SYTL2: variants seen among roughly 807,000 people sequenced by gnomAD.
The protein encoded by SYTL2 is synaptotagmin like 2.
Under a neutral mutation model 198.7 loss-of-function variants are expected in SYTL2, and 165 were observed. The ratio of observed to expected loss-of-function variants is 0.83; its 90% CI spans 0.73 to 0.94. The LOEUF (loss-of-function observed/expected upper bound fraction) is 0.94. SYTL2 is among the 40% of genes least tolerant of loss of function. The probability of loss-of-function intolerance (pLI) is 0.00; values close to 1 mark genes in which losing one functional copy is unlikely to be tolerated. For missense variants in SYTL2, 2,835 were observed against 2,582.8 expected, an observed-to-expected ratio of 1.10 and a Z score of -2.12; for synonymous variants, 966 against 917.7, an observed-to-expected ratio of 1.05 and a Z score of -0.95.
chr11:85,791,142 G>C (rs2092722809), intron 1 of SYTL2, among the ~76,000 whole-genome samples: 1 of 130,040 alleles, frequency 7.7e-6, no homozygotes. Context: ...ACTCCAGCCT[G>C]GGCAGCAGAG....
At chr11:85,835,504 A>G in the SYTL2 span, among the ~76,000 whole-genome samples, 1 of 152,192 alleles carries the variant, frequency 6.6e-6, no homozygotes, top group Non-Finnish European at 1.5e-5. Context: ...AAGTGTTAAT[A>G]CTTGCCTTGT....
At chr11:85,823,296 C>T in the SYTL2 span, among the ~76,000 whole-genome samples, 1 of 152,244 alleles carries the variant, frequency 6.6e-6, no homozygotes, top group Non-Finnish European at 1.5e-5. Context: ...CCTAGATTAT[C>T]TTCTAGTGTG....
At chr11:85,705,767 C>T (rs1018968978) in intron 15 of SYTL2, among the ~76,000 whole-genome samples, 2 of 152,192 alleles carry the variant, frequency 1.3e-5, no homozygotes, top group Non-Finnish European at 2.9e-5. Context: ...GTCTGCCTTT[C>T]TCTGAGCTTA....
the SYTL2 span, among the ~76,000 whole-genome samples, chr11:85,826,560 G>A: frequency 3.3e-5 from 5 of 152,246 alleles, no homozygotes; most frequent in Non-Finnish European, 5.9e-5. Context: ...TGAGAGAGAA[G>A]CTAAAACAGG....
intron 15 of SYTL2, 52 bp from the exon 16 acceptor site, chr11:85,705,080 A>C: frequency 7.0e-7 from 1 of 1,426,634 alleles, no homozygotes; most frequent in South Asian, 1.2e-5. Context: ...TTGATGCCAA[A>C]GTTATAACAC....
chr11:85,718,794 T>G lies in SYTL2; in HGVS notation c.5478A>C (p.Glu1826Asp). Residue 1826 changes from glutamate (E) to aspartate (D), a missense_variant, in exon 10 of 20, where the codon GAA becomes GAC. Glu to Asp is a conservative substitution (Grantham distance 45, BLOSUM62 2). Coordinates refer to ENST00000359152, the MANE Select transcript of SYTL2 (RefSeq NM_206927.4). ...CAAATACATAAAGATATTTACCATC[T>G]TCAGCACTACGCACTAATTCTTCTG... ...NQPEELVRSA[E>D]DDEKPDQKPV... 1 of 1,613,424 alleles carries G rather than the reference T, an allele frequency of 6.2e-7. No homozygotes were observed. The highest frequency in any genetic ancestry group is 8.5e-7 in the Non-Finnish European group (1 of 1,179,486).
chr11:85,727,150 T>C lies in SYTL2; in HGVS notation c.2208A>G (p.Lys736=). Residue 736 remains lysine, a synonymous_variant, in exon 8 of 20, where the codon AAA becomes AAG. Transcript: ENST00000359152. Reference sequence around the variant, plus strand: ...CTTTCAGGATATAGGTATTTCCTACTTTGCTCTTTCTCTCTGCATTCATGT... The same window carrying C: ...CTTTCAGGATATAGGTATTTCCTACCTTGCTCTTTCTCTCTGCATTCATGT... ...KDNMNAERKS[K]VGNTYILKAS... The C allele has an allele frequency of 6.5e-7, 1 of 1,536,426 alleles. No homozygotes were observed. Among genetic ancestry groups the C allele is most frequent in the Non-Finnish European group, 8.7e-7 (1 of 1,146,884 alleles).
At chr11:85,788,711 G>A (rs1295802441) in intron 1 of SYTL2, among the ~76,000 whole-genome samples, 1 of 151,560 alleles carries the variant, frequency 6.6e-6, no homozygotes, top group African/African-American at 2.4e-5. Flanking sequence ...TTAATTATCT[G>A]TAGAAGGCCT....
In SYTL2 at chr11:85,734,072, A is replaced by G. The variant is rs1432902741; in HGVS notation, c.1257T>C (p.Asn419=). ...QPMTSGSFPI[N]GLHSHSEVLT... ...AAACTTCTGAATGAGAATGCAGCCC[A>G]TTAATTGGAAAAGAACCAGAAGTCA... The change falls in exon 7 of 20, where the codon AAT becomes AAC. Residue 419 remains asparagine, a synonymous_variant. Transcript: ENST00000359152. 1 of 1,614,088 alleles carries G rather than the reference A, an allele frequency of 6.2e-7. No individual in the cohort carries two copies. The highest frequency in any genetic ancestry group is 2.2e-5 in the East Asian group (1 of 44,894).
the SYTL2 span, chr11:85,854,408 G>T: frequency 6.6e-6 from 1 of 151,954 alleles, no homozygotes; most frequent in African/African-American, 2.4e-5. Context: ...AAGGCTGTAC[G>T]TGTAGGATTT....
chr11:85,714,824 C>T, intron 11 of SYTL2: 1 of 397,536 alleles, frequency 2.5e-6, no homozygotes, highest in Non-Finnish European at 3.7e-6. Flanking sequence ...CTTATTTTTT[C>T]ACAACAGAGC....
chr11:85,695,892 G>A (rs2083339266), intron 19 of SYTL2, among the ~76,000 whole-genome samples: 1 of 152,144 alleles, frequency 6.6e-6, no homozygotes, highest in South Asian at 2.1e-4. Context: ...AGCCTTGAAG[G>A]ACCATAAATG....
At chr11:85,751,572 G>T (rs778581782) in intron 2 of SYTL2, among the ~76,000 whole-genome samples, 1 of 152,182 alleles carries the variant, frequency 6.6e-6, no homozygotes, top group African/African-American at 2.4e-5. Context: ...AGTAAACACC[G>T]GTGGGCTGGT....
rs765008544 is a variant in SYTL2 at position 85,711,203 on chromosome 11, T to C, written c.5655A>G (p.Ser1885=). Residue 1885 remains serine (S), a synonymous_variant, in exon 13 of 20, where the codon TCA becomes TCG. Transcript: ENST00000359152. ...GTCTGCTGAGCTGGTAACTGCTTTC[T>C]GATGCTGTATCTGTTTCTCTGTCAT... ...ESDDRETDTA[S]ESSYQLSRHK... 6.2e-7 allele frequency: 1 copy of C among 1,614,012 alleles called. No homozygotes were observed. Among genetic ancestry groups the C allele is most frequent in the Admixed American group, 1.7e-5 (1 of 60,014 alleles).
chr11:85,761,132 T>C (rs556929679), intron 1 of SYTL2, among the ~76,000 whole-genome samples: 2 of 152,144 alleles, frequency 1.3e-5, no homozygotes, highest in East Asian at 3.9e-4. Context: ...GTGGAGTTCA[T>C]ATGGCAATGG....
At position 85,711,060 on chromosome 11, in the gene SYTL2, A is replaced by T. The variant is rs2086183037; in HGVS notation, c.5745+53T>A. On this transcript the variant is annotated intron_variant, in intron 13 of 19. Coordinates refer to ENST00000359152, the MANE Select transcript of SYTL2 (RefSeq NM_206927.4). ...TTTACAATGAGCATGAGCATGTCAG[A>T]GCAAGGTTCAGAGACGCGGAGAGAT... 6 of 1,592,580 alleles carry T rather than the reference A, an allele frequency of 3.8e-6. No homozygotes were observed. In the South Asian group the frequency reaches 4.5e-5, roughly 12 times the overall value.
intron 6 of SYTL2, among the ~76,000 whole-genome samples, chr11:85,735,328 G>GA (rs1475705815): frequency 6.6e-6 from 1 of 152,038 alleles, no homozygotes; most frequent in Non-Finnish European, 1.5e-5. Context: ...TTTTAAGAAT[G>GA]AAAAGAAAAT....
the SYTL2 span, chr11:85,852,951 C>T: frequency 1.0e-4 from 31 of 309,066 alleles, no homozygotes; most frequent in Middle Eastern, 1.1e-3. Flanking sequence ...CCGGCCGCCC[C>T]GTCTGAGAAG....
At chr11:85,839,626 G>A in the SYTL2 span, among the ~76,000 whole-genome samples, 2 of 152,100 alleles carry the variant, frequency 1.3e-5, no homozygotes, top group East Asian at 3.9e-4. Flanking sequence ...AATCTCATTC[G>A]TGATTAAATA....
Sources: allele counts gnomAD v4.1 joint callset (sites outside exome capture counted in the v4.1 genomes callset), GRCh38; gene constraint gnomAD v4.1.1; transcripts MANE v1.5; gene names NCBI Gene and HGNC (gene_info 2026-07-23, HGNC 2026-07-21).